The following C2orf76 variants were observed in gnomAD, a reference collection of about 807,000 sequenced individuals.
The protein encoded by C2orf76 is UPF0538 protein C2orf76.
C2orf76 carries 23 observed loss-of-function variants against 16.9 expected under a neutral mutation model. That is an observed-to-expected ratio of 1.36 (90% CI 0.98 to 1.93). The LOEUF is 1.93. C2orf76 is among the 30% of genes most tolerant of loss of function. The pLI, the probability that C2orf76 is intolerant of heterozygous loss-of-function variation, is 0.00. For missense variants in C2orf76, 152 were observed against 152.6 expected, an observed-to-expected ratio of 1.00 and a Z score of 0.02; for synonymous variants, 48 against 52.3, an observed-to-expected ratio of 0.92 and a Z score of 0.35.
At chr2:119,327,502 G>A (rs1017254329) in intron 2 of C2orf76, among the ~76,000 whole-genome samples, 3 of 151,952 alleles carry the variant, frequency 2.0e-5, no homozygotes, top group African/African-American at 2.4e-5. Context: ...TTTGGGTCAC[G>A]GGGGTAGATC....
At chr2:119,286,874 G>T in the C2orf76 span, among the ~76,000 whole-genome samples, 1 of 152,188 alleles carries the variant, frequency 6.6e-6, no homozygotes. Flanking sequence ...GCAATTCTGA[G>T]CTGACTTCTG....
the C2orf76 span, among the ~76,000 whole-genome samples, chr2:119,296,872 T>C: frequency 6.6e-6 from 1 of 152,192 alleles, no homozygotes; most frequent in Non-Finnish European, 1.5e-5. Flanking sequence ...TTGGCTGTGG[T>C]TGACCACCTT....
chr2:119,341,546 G>A (rs1483621502), intron 1 of C2orf76, among the ~76,000 whole-genome samples: 4 of 152,042 alleles, frequency 2.6e-5, no homozygotes, highest in Admixed American at 6.6e-5. Context: ...TTTCAGCATC[G>A]CTTTTCATTT....
At chr2:119,340,612 G>A (rs376826263) in intron 1 of C2orf76, among the ~76,000 whole-genome samples, 39 of 151,942 alleles carry the variant, frequency 2.6e-4, no homozygotes, top group South Asian at 1.0e-3. Flanking sequence ...TCATGGTTTC[G>A]TGAGAGAATT....
the C2orf76 span, among the ~76,000 whole-genome samples, chr2:119,288,949 C>T: frequency 1.3e-5 from 2 of 152,044 alleles, no homozygotes; most frequent in Non-Finnish European, 2.9e-5. Flanking sequence ...GCAAAATTTC[C>T]CTGACTCTCG....
chr2:119,293,988 A>C, the C2orf76 span, among the ~76,000 whole-genome samples: 1 of 152,172 alleles, frequency 6.6e-6, no homozygotes, highest in African/African-American at 2.4e-5. Flanking sequence ...TCCAGCGGGC[A>C]GCTGGGCTGT....
chr2:119,336,588 G>A (rs961716778), intron 2 of C2orf76, among the ~76,000 whole-genome samples: 17 of 151,890 alleles, frequency 1.1e-4, no homozygotes, highest in Non-Finnish European at 4.4e-5. Flanking sequence ...AAACAATTAT[G>A]GCAGGTAACT....
At chr2:119,291,321 G>C in the C2orf76 span, among the ~76,000 whole-genome samples, 1 of 151,896 alleles carries the variant, frequency 6.6e-6, no homozygotes, top group Non-Finnish European at 1.5e-5. Flanking sequence ...TGAACAAGCT[G>C]TGTATCCATT....
intron 2 of C2orf76, among the ~76,000 whole-genome samples, chr2:119,337,954 C>T (rs1679903400): frequency 6.6e-6 from 1 of 152,214 alleles, no homozygotes; most frequent in Non-Finnish European, 1.5e-5. Flanking sequence ...ACTTCAAGAA[C>T]CTAGTCTGTA....
intron 2 of C2orf76, among the ~76,000 whole-genome samples, chr2:119,337,978 A>T (rs1381377312): frequency 6.6e-6 from 1 of 152,264 alleles, no homozygotes; most frequent in African/African-American, 2.4e-5. Context: ...TACAAAGAAC[A>T]TCATAGCACT....
intron 3 of C2orf76, among the ~76,000 whole-genome samples, 159 bp from the exon 4 acceptor site, chr2:119,317,662 A>G (rs1341526414): frequency 6.6e-6 from 1 of 152,192 alleles, no homozygotes; most frequent in Non-Finnish European, 1.5e-5. Context: ...AAGAAAAATT[A>G]CTTCTGTAGA....
intron 2 of C2orf76, among the ~76,000 whole-genome samples, chr2:119,332,855 C>A (rs1679719608): frequency 6.6e-6 from 1 of 152,152 alleles, no homozygotes; most frequent in Admixed American, 6.5e-5. Context: ...CTCAGCCTCC[C>A]AAGTAACTGG....
In C2orf76 at chr2:119,311,719, A is replaced by G; in HGVS notation, c.223-16T>C. The G allele has an allele frequency of 6.3e-7, 1 of 1,589,140 alleles. No homozygotes were observed. Among genetic ancestry groups the G allele is most frequent in the Non-Finnish European group, 8.5e-7 (1 of 1,170,032 alleles). On this transcript the variant is annotated splice_polypyrimidine_tract_variant and intron_variant, in intron 4 of 5. Transcript: ENST00000334816. Reference sequence around the variant, plus strand: ...GTTCATTTGTCTAAAAAAAAAAAAGAAAATCTGCATTTTATCAGTACTTAC... The same window carrying G: ...GTTCATTTGTCTAAAAAAAAAAAAGGAAATCTGCATTTTATCAGTACTTAC...
chr2:119,354,431 C>T (rs1383788361), intron 1 of C2orf76, among the ~76,000 whole-genome samples: 1 of 152,092 alleles, frequency 6.6e-6, no homozygotes, highest in Non-Finnish European at 1.5e-5. Flanking sequence ...GGTTGAGGCA[C>T]GAGAATCGCC....
the C2orf76 span, among the ~76,000 whole-genome samples, chr2:119,297,098 C>G: frequency 2.0e-5 from 3 of 152,204 alleles, no homozygotes; most frequent in African/African-American, 7.2e-5. Flanking sequence ...GTAATAAGTG[C>G]TCACTTCCTG....
the C2orf76 span, among the ~76,000 whole-genome samples, chr2:119,284,544 T>C: frequency 1.3e-5 from 2 of 152,116 alleles, no homozygotes; most frequent in African/African-American, 2.4e-5. Flanking sequence ...TATCTGGGCA[T>C]ACATTACCAA....
In C2orf76 at chr2:119,342,884, G is replaced by A. The variant is rs368021119; in HGVS notation, c.-12-2913C>T. Reference sequence around the variant, plus strand: ...CAAGCAACTCTCCTGCCTCAGCCTCGTCAGCCTCGTGAGTAGCTGGGACTA... The same window carrying A: ...CAAGCAACTCTCCTGCCTCAGCCTCATCAGCCTCGTGAGTAGCTGGGACTA... On this transcript the variant is annotated intron_variant, in intron 1 of 5. Coordinates refer to ENST00000334816, the MANE Select transcript of C2orf76 (RefSeq NM_001322331.2). 8.2e-4 allele frequency among the ~76,000 whole-genome samples: 124 copies of A among 151,886 alleles called. 1 individual carries two copies. The Middle Eastern group carries it at 0.014, about 17-fold the overall frequency.
intron 5 of C2orf76, among the ~76,000 whole-genome samples, 180 bp from the exon 6 acceptor site, chr2:119,302,728 G>C (rs1558773076): frequency 6.6e-6 from 1 of 151,964 alleles, no homozygotes; most frequent in Non-Finnish European, 1.5e-5. Context: ...AGAAGTTTCA[G>C]GTGAAGTTTT....
At chr2:119,302,066 G>A (rs1678633560), downstream of C2orf76, among the ~76,000 whole-genome samples, 1 of 152,058 alleles carries the variant, frequency 6.6e-6, no homozygotes, top group Non-Finnish European at 1.5e-5. Context: ...GGTAGCCACA[G>A]ACAGAAACAG....
Sources: allele counts gnomAD v4.1 joint callset (sites outside exome capture counted in the v4.1 genomes callset), GRCh38; gene constraint gnomAD v4.1.1; transcripts MANE v1.5; gene names NCBI Gene and HGNC (gene_info 2026-07-23, HGNC 2026-07-21).